ETV5: variants seen among roughly 807,000 people sequenced by gnomAD.
ETV5 encodes ETS variant transcription factor 5, also known as ETS translocation variant 5.
In ETV5, 10 loss-of-function variants were observed where a neutral mutation model predicts 70.0. The observed-to-expected ratio is 0.14, with a 90% CI of 0.09 to 0.24. The LOEUF (loss-of-function observed/expected upper bound fraction) is 0.24. Among genes scored for constraint, ETV5 ranks in the 10% least tolerant of loss-of-function variants. The pLI is 1.00. For missense variants in ETV5, 453 were observed against 651.2 expected, an observed-to-expected ratio of 0.70 and a Z score of 3.31; for synonymous variants, 216 against 242.2, an observed-to-expected ratio of 0.89 and a Z score of 1.01.
rs970381948 is a variant in ETV5, at chr3:186,052,800, G to A, written c.1210-669C>T. 6.6e-6 allele frequency among the ~76,000 whole-genome samples: 1 copy of A among 152,150 alleles called. No individual in the cohort carries two copies. The highest frequency in any genetic ancestry group is 1.5e-5 in the Non-Finnish European group (1 of 68,036). On this transcript the variant is annotated intron_variant, in intron 11 of 12. Coordinates refer to ENST00000306376, the MANE Select transcript of ETV5 (RefSeq NM_004454.3). This position sits in a 1 kb window ranked among gnomAD's most constrained non-coding sequence, Gnocchi z 4.5. ...GCATTATATCCAACCCAGTCCACCT[G>A]AGGCACACTGATAGGGCAATATAAT...
intron 7 of ETV5, among the ~76,000 whole-genome samples, chr3:186,067,823 T>A (rs1323243625): frequency 6.6e-6 from 1 of 152,064 alleles, no homozygotes; most frequent in Non-Finnish European, 1.5e-5. Context: ...GAATCTGCAG[T>A]AGTCAGAAAA....
intron 7 of ETV5, among the ~76,000 whole-genome samples, chr3:186,072,602 C>T (rs945953037): frequency 6.6e-6 from 1 of 152,192 alleles, no homozygotes; most frequent in African/African-American, 2.4e-5. Context: ...GACACTGTCC[C>T]TAAACGTACA....
intron 5 of ETV5, 127 bp from the exon 6 acceptor site, chr3:186,081,302 C>T: frequency 5.3e-6 from 5 of 939,994 alleles, no homozygotes; most frequent in Non-Finnish European, 5.9e-6. Flanking sequence ...AGTCACATGT[C>T]AGAAAAAGCA....
chr3:186,095,386 A>G (rs1242195141), intron 5 of ETV5: 3 of 152,230 alleles, frequency 2.0e-5, no homozygotes, highest in African/African-American at 7.2e-5. Context: ...CCCAACTTAC[A>G]TAATTCTCAT....
At chr3:186,074,544 T>C (rs891978921) in intron 7 of ETV5, among the ~76,000 whole-genome samples, 3 of 152,146 alleles carry the variant, frequency 2.0e-5, no homozygotes, top group African/African-American at 7.2e-5. Flanking sequence ...TTCTCAATCA[T>C]GAAGACAGAT....
At chr3:186,053,079 AAAC>A (rs1713072270) in intron 11 of ETV5, among the ~76,000 whole-genome samples, 1 of 152,128 alleles carries the variant, frequency 6.6e-6, no homozygotes, top group African/African-American at 2.4e-5. Context: ...TAAAAAAAAA[AAAC>A]AAACTATATT....
At chr3:186,075,939 T>TA (rs1251653571) in intron 7 of ETV5, among the ~76,000 whole-genome samples, 3 of 152,352 alleles carry the variant, frequency 2.0e-5, no homozygotes, top group Non-Finnish European at 4.4e-5. Context: ...CAACTCAAGA[T>TA]ATAATGAGAT....
rs529538957 is a variant in ETV5 at position 186,094,481 on chromosome 3, C to T, written c.232+10824G>A. Among the ~76,000 whole-genome samples, 24 of 152,256 alleles carry T rather than the reference C, an allele frequency of 1.6e-4. No homozygotes were observed. The South Asian group carries it at 4.8e-3, about 30-fold the overall frequency. ...GATGAACTAGTTTCAGATTTACTTC[C>T]TTTAAGTTCATATTCTTTCTACACT... On this transcript the variant is annotated intron_variant, in intron 5 of 12. Transcript: ENST00000306376.
intron 5 of ETV5, chr3:186,095,359 C>T (rs1332948294): frequency 1.3e-5 from 2 of 152,174 alleles, no homozygotes; most frequent in Non-Finnish European, 2.9e-5. Context: ...GCTTTAACAA[C>T]CCTTCTATAA....
At chr3:186,077,900 A>T in intron 7 of ETV5, 1 of 625,602 alleles carries the variant, frequency 1.6e-6, no homozygotes, top group Non-Finnish European at 2.1e-6. Flanking sequence ...TTTGAATTTT[A>T]GACCCATCAG....
intron 9 of ETV5, among the ~76,000 whole-genome samples, chr3:186,061,542 G>C (rs1713304144): frequency 1.3e-5 from 2 of 152,126 alleles, no homozygotes; most frequent in Admixed American, 1.3e-4. Context: ...CACAGATTTT[G>C]GGAATCACAC....
chr3:186,106,194 T>G (rs1263833652), intron 1 of ETV5, among the ~76,000 whole-genome samples: 2 of 152,144 alleles, frequency 1.3e-5, no homozygotes, highest in African/African-American at 4.8e-5. Flanking sequence ...TCATTAAAAT[T>G]ACAGATTTGC....
intron 5 of ETV5, among the ~76,000 whole-genome samples, chr3:186,082,545 C>A (rs1372044203): frequency 6.6e-6 from 1 of 151,720 alleles, no homozygotes; most frequent in African/African-American, 2.4e-5. Context: ...CTCAGCCTGC[C>A]GAGTAGCTGG....
In ETV5 at chr3:186,048,000, T is replaced by C. The variant is rs1449202119; in HGVS notation, c.*639A>G. ...GGAAGAGAAAGGGGGCTTGCTCTACTTGGCGACCACATGGCCGGGTGGTTC... is the reference window on the plus strand; with the variant it reads ...GGAAGAGAAAGGGGGCTTGCTCTACCTGGCGACCACATGGCCGGGTGGTTC... On this transcript the variant is annotated 3_prime_UTR_variant, in exon 13 of 13. Transcript: ENST00000306376. 3 of 233,358 alleles carry C rather than the reference T, an allele frequency of 1.3e-5. No homozygotes were observed. The highest frequency in any genetic ancestry group is 2.5e-5 in the Non-Finnish European group (3 of 117,878). The allele number at this position is 233,358 out of a possible 1,614,324, so 14.5% of individuals were successfully genotyped here. A position where few individuals can be genotyped will look rare whatever the true frequency, so the allele number is the denominator to read the frequency against.
intron 1 of ETV5, 132 bp downstream of exon 1, chr3:186,108,808 G>C: frequency 3.2e-6 from 1 of 314,634 alleles, no homozygotes; most frequent in Non-Finnish European, 5.8e-6. Flanking sequence ...ACCCGGGGGG[G>C]GTCACCCCAG....
At chr3:186,077,419 G>A (rs965945311) in intron 7 of ETV5, among the ~76,000 whole-genome samples, 1 of 152,054 alleles carries the variant, frequency 6.6e-6, no homozygotes, top group Non-Finnish European at 1.5e-5. Flanking sequence ...CAGGGATTTT[G>A]GTCTGTCTCA....
At chr3:186,089,448 G>A (rs1714130256) in intron 5 of ETV5, among the ~76,000 whole-genome samples, 1 of 152,160 alleles carries the variant, frequency 6.6e-6, no homozygotes, top group African/African-American at 2.4e-5. Context: ...AGCAAGCTGT[G>A]CTAAAAACCG....
intron 7 of ETV5, among the ~76,000 whole-genome samples, chr3:186,072,340 C>T (rs1358822387): frequency 2.0e-5 from 3 of 151,290 alleles, no homozygotes; most frequent in East Asian, 2.0e-4. Context: ...CCACTGCACT[C>T]CAGCCTGGGT....
chr3:186,048,947 G>T, intron 12 of ETV5, 87 bp from the exon 13 acceptor site: 1 of 1,134,914 alleles, frequency 8.8e-7, no homozygotes, highest in Non-Finnish European at 1.3e-6. Flanking sequence ...AAGTCACAAA[G>T]CCAGGGACCA....
Sources: gnomAD v4.1 joint callset for allele counts (sites outside exome capture counted in the v4.1 genomes callset) on GRCh38, gnomAD v4.1.1 for gene constraint, Gnocchi (gnomAD v3.1) non-coding constraint, MANE v1.5 for transcripts, NCBI Gene and HGNC (gene_info 2026-07-23, HGNC 2026-07-21) for gene names.